Variants in UTS2 observed in about 807,000 individuals in gnomAD.
The protein encoded by UTS2 is urotensin 2, also known as urotensin-2.
In UTS2, 10 loss-of-function variants were observed where a neutral mutation model predicts 12.6. The observed-to-expected ratio is 0.80, with a 90% confidence interval of 0.49 to 1.35. UTS2 has a LOEUF of 1.35. Among genes scored for constraint, UTS2 ranks in the 40% most tolerant of loss-of-function variants. UTS2 has a pLI of 0.00. For synonymous variants in UTS2, 52 were observed against 50.0 expected (o/e 1.04, Z -0.17); for missense variants, 142 against 143.2 (o/e 0.99, Z 0.04).
chr1:7,901,457 G>A, the UTS2 span, among the ~76,000 whole-genome samples: 1 of 152,168 alleles, frequency 6.6e-6, no homozygotes, highest in Non-Finnish European at 1.5e-5. Flanking sequence ...AGCATTTACT[G>A]TAAAGGTTTC....
At chr1:7,893,478 C>G in the UTS2 span, among the ~76,000 whole-genome samples, 10 of 146,650 alleles carry the variant, frequency 6.8e-5, no homozygotes, top group East Asian at 1.4e-3. Context: ...GACGACAGAG[C>G]CAGACCCTGT....
chr1:7,908,973 A>G, the UTS2 span, among the ~76,000 whole-genome samples: 1 of 151,930 alleles, frequency 6.6e-6, no homozygotes, highest in African/African-American at 2.4e-5. Context: ...CACCCAGCTA[A>G]TTTTTGTATT....
At chr1:7,877,510 C>A in the UTS2 span, among the ~76,000 whole-genome samples, 1 of 152,074 alleles carries the variant, frequency 6.6e-6, no homozygotes, top group South Asian at 2.1e-4. Context: ...GCAGTCTAGA[C>A]CAAATATTTA....
upstream of UTS2, among the ~76,000 whole-genome samples, chr1:7,856,509 G>A (rs781294916): frequency 1.6e-5 from 1 of 62,034 alleles, no homozygotes; most frequent in African/African-American, 6.7e-5. Context: ...GAGAGAAGTC[G>A]GGGAAGCGTG....
the UTS2 span, among the ~76,000 whole-genome samples, chr1:7,863,056 T>C: frequency 1.4e-5 from 1 of 73,766 alleles, no homozygotes; most frequent in African/African-American, 4.9e-5. Context: ...TTGTATTGTA[T>C]TGTATTGTAT....
intron 3 of UTS2, among the ~76,000 whole-genome samples, chr1:7,848,779 C>T (rs1476923397): frequency 1.3e-5 from 2 of 152,112 alleles, no homozygotes; most frequent in Non-Finnish European, 2.9e-5. Flanking sequence ...CTCGGCCTCC[C>T]GTGCTGGGAT....
the UTS2 span, among the ~76,000 whole-genome samples, chr1:7,909,689 C>T: frequency 2.0e-5 from 3 of 151,940 alleles, no homozygotes; most frequent in Non-Finnish European, 2.9e-5. Flanking sequence ...GGCACAATCT[C>T]GGCTCACTGC....
chr1:7,869,642 A>C, the UTS2 span, among the ~76,000 whole-genome samples: 1 of 152,232 alleles, frequency 6.6e-6, no homozygotes, highest in African/African-American at 2.4e-5. Context: ...CTGCTGCACA[A>C]AGAAGAATGG....
chr1:7,872,299 CAAAAAAA>C, the UTS2 span, among the ~76,000 whole-genome samples: 1 of 65,884 alleles, frequency 1.5e-5, no homozygotes, highest in Non-Finnish European at 2.7e-5. Flanking sequence ...GACTCTGTCT[CAAAAAAA>C]AAAAAAAAAA....
chr1:7,898,531 A>G, the UTS2 span, among the ~76,000 whole-genome samples: 3 of 151,796 alleles, frequency 2.0e-5, no homozygotes, highest in African/African-American at 7.3e-5. Flanking sequence ...GCTGGAGTGC[A>G]GTGGCGCGAT....
the UTS2 span, among the ~76,000 whole-genome samples, chr1:7,861,469 G>A: frequency 6.6e-6 from 1 of 152,352 alleles, no homozygotes; most frequent in Admixed American, 6.5e-5. Context: ...TTGCTAGAAA[G>A]GGGGCAGAGA....
the UTS2 span, among the ~76,000 whole-genome samples, chr1:7,901,096 C>T: frequency 6.6e-6 from 1 of 152,128 alleles, no homozygotes; most frequent in Non-Finnish European, 1.5e-5. Flanking sequence ...TACGTTTTTT[C>T]TAGGGAATTG....
At chr1:7,890,062 A>G in the UTS2 span, among the ~76,000 whole-genome samples, 3 of 150,752 alleles carry the variant, frequency 2.0e-5, no homozygotes, top group Non-Finnish European at 4.4e-5. Flanking sequence ...GCGAGACTCC[A>G]TCTCAAAAAA....
upstream of UTS2, among the ~76,000 whole-genome samples, chr1:7,856,928 G>C (rs1351597040): frequency 6.6e-6 from 1 of 152,104 alleles, no homozygotes; most frequent in African/African-American, 2.4e-5. Context: ...GGGAGTAGTG[G>C]TGGGCGCCTA....
At chr1:7,875,465 C>T in the UTS2 span, among the ~76,000 whole-genome samples, 1 of 152,144 alleles carries the variant, frequency 6.6e-6, no homozygotes, top group African/African-American at 2.4e-5. Context: ...TGCCTGGGCA[C>T]CTTCCCAGGG....
In UTS2 at chr1:7,853,014, A is replaced by T; in HGVS notation, c.-11T>A. 1 of 1,600,922 alleles carries T rather than the reference A, an allele frequency of 6.2e-7. No individual in the cohort carries two copies. The highest frequency in any genetic ancestry group is 8.5e-7 in the Non-Finnish European group (1 of 1,176,372). ...GGCCAGCTTATACATGATCGCCACA[A>T]GATAGACGGCTTCCTTCTTGGCTTC... On this transcript the variant is annotated 5_prime_UTR_variant, in exon 1 of 4. It adds an upstream start codon to the 5' untranslated region. Coordinates refer to ENST00000361696, the MANE Select transcript of UTS2 (RefSeq NM_006786.4).
chr1:7,907,823 G>A, the UTS2 span, among the ~76,000 whole-genome samples: 1 of 152,068 alleles, frequency 6.6e-6, no homozygotes, highest in Non-Finnish European at 1.5e-5. Context: ...GGAATACTAA[G>A]TTTTCGAAGC....
chr1:7,855,580 G>C (rs1025374003), upstream of UTS2, among the ~76,000 whole-genome samples: 2 of 151,600 alleles, frequency 1.3e-5, no homozygotes, highest in South Asian at 2.1e-4. Context: ...CAAAAGGTTT[G>C]AAAAGGACTT....
the UTS2 span, among the ~76,000 whole-genome samples, chr1:7,876,657 C>A: frequency 6.6e-6 from 1 of 152,138 alleles, no homozygotes; most frequent in African/African-American, 2.4e-5. Context: ...CCACCACCAC[C>A]ACTGGTGCTG....
Sources: allele counts gnomAD v4.1 joint callset (sites outside exome capture counted in the v4.1 genomes callset), GRCh38; gene constraint gnomAD v4.1.1; transcripts MANE v1.5; gene names NCBI Gene and HGNC (gene_info 2026-07-23, HGNC 2026-07-21).